C1RL: variants seen among roughly 807,000 people sequenced by gnomAD.
C1RL encodes the protein complement C1r subcomponent-like protein.
Under a neutral mutation model 27.9 loss-of-function variants are expected in C1RL, and 27 were observed. The observed-to-expected ratio is 0.97, with a 90% confidence interval of 0.71 to 1.33. C1RL has a LOEUF of 1.33. C1RL is among the 40% of genes most tolerant of loss of function. The pLI is 0.00. For synonymous variants in C1RL, 248 were observed against 252.1 expected, an observed-to-expected ratio of 0.98 and a Z score of 0.15; for missense variants, 563 against 623.9, an observed-to-expected ratio of 0.90 and a Z score of 1.04.
chr12:7,108,383 C>A lies in C1RL; in HGVS notation c.168G>T (p.Gly56=). ...QELPQQLTSP[G]YPEPYGKGQE... ...GGCCTTTGCCATACGGCTCTGGGTA[C>A]CCGGGGGATGTCAGCTGCTGGGGTA... is the stretch of plus-strand genomic sequence containing the variant. The change falls in exon 2 of 6, where the codon GGG becomes GGT. Residue 56 remains glycine (G), a synonymous_variant. Coordinates refer to ENST00000266542, the MANE Select transcript of C1RL (RefSeq NM_016546.4). 1 of 1,614,158 alleles carries A rather than the reference C, an allele frequency of 6.2e-7. No homozygotes were observed. The highest frequency in any genetic ancestry group is 8.5e-7 in the Non-Finnish European group (1 of 1,179,988).
At chr12:7,100,791 A>G (rs977450853) in intron 3 of C1RL, among the ~76,000 whole-genome samples, 10 of 152,206 alleles carry the variant, frequency 6.6e-5, no homozygotes, top group African/African-American at 2.4e-4. Flanking sequence ...TGTCTCAAAA[A>G]ACAATAAATA....
intron 2 of C1RL, chr12:7,107,943 A>G (rs1183633169): frequency 2.0e-5 from 6 of 302,064 alleles, no homozygotes; most frequent in Non-Finnish European, 3.0e-5. Context: ...TTAACAACCA[A>G]TATGTGCGTC....
intron 5 of C1RL, chr12:7,099,460 T>C (rs1938547815): frequency 1.0e-6 from 1 of 984,542 alleles, no homozygotes; most frequent in South Asian, 4.7e-5. Flanking sequence ...GTCCATCTCA[T>C]GAACGTCCTT....
chr12:7,107,866 T>C (rs747197132), intron 2 of C1RL, among the ~76,000 whole-genome samples: 54 of 152,380 alleles, frequency 3.5e-4, no homozygotes, highest in Non-Finnish European at 1.8e-4. Flanking sequence ...TAATCTTTTG[T>C]TATTATTTGT....
In C1RL at chr12:7,104,860, CTT is replaced by C. The variant is rs1938720258; in HGVS notation, c.301-2775_301-2774del. Reference sequence around the variant, plus strand: ...CAGTAATTGCTGTAGAAACTTCACTCTTGTCTATATCAATTAGCTCTATGGCC... The same window carrying C: ...CAGTAATTGCTGTAGAAACTTCACTCGTCTATATCAATTAGCTCTATGGCC... On this transcript the variant is annotated intron_variant, in intron 2 of 5. Transcript: ENST00000266542. The surrounding 1 kb of genome is among the most constrained non-coding windows in gnomAD (Gnocchi z 5.4). Among the ~76,000 whole-genome samples, 2 of 152,286 alleles carry C rather than the reference CTT, an allele frequency of 1.3e-5. No homozygotes were observed. Among genetic ancestry groups the C allele is most frequent in the South Asian group, 2.1e-4 (1 of 4,818 alleles).
Position 7,100,040 on chromosome 12 carries a change from G to C in C1RL, c.491-14C>G, listed in dbSNP as rs745904112. 1.3e-4 allele frequency: 206 copies of C among 1,602,148 alleles called. 2 individuals are homozygous for C. The South Asian group carries it at 2.2e-3, about 17-fold the overall frequency. Reference sequence around the variant, plus strand: ...TATAGTTCACAGCTATAGGAAAACAGCACCTAGCACAGACTTGCCAACTGG... The same window carrying C: ...TATAGTTCACAGCTATAGGAAAACACCACCTAGCACAGACTTGCCAACTGG... On this transcript the variant is annotated splice_polypyrimidine_tract_variant and intron_variant, in intron 3 of 5. Coordinates refer to ENST00000266542, the MANE Select transcript of C1RL (RefSeq NM_016546.4).
Position 7,094,642 on chromosome 12 carries a change from C to T in C1RL, c.*1749G>A. 1.0e-6 allele frequency: 1 copy of T among 977,220 alleles called. No homozygotes were observed. Among genetic ancestry groups the T allele is most frequent in the Non-Finnish European group, 1.2e-6 (1 of 822,496 alleles). 60.5% of individuals were successfully genotyped at this position (977,220 alleles called of 1,614,324 possible). A position where few individuals can be genotyped will look rare whatever the true frequency, so the allele number is the denominator to read the frequency against. ...AAAAATAAGCAAAATAAAATAAAAA[C>T]ATTTCATGCTCATTAAACAAATTTT... On this transcript the variant is annotated 3_prime_UTR_variant, in exon 6 of 6. Transcript: ENST00000266542.
intron 3 of C1RL, 26 bp downstream of exon 3, chr12:7,101,872 C>T: frequency 1.2e-6 from 2 of 1,610,944 alleles, no homozygotes; most frequent in Non-Finnish European, 1.7e-6. Flanking sequence ...AGGCTCCCTC[C>T]CTGCACCCCC....
chr12:7,100,729 A>T (rs182383665), intron 3 of C1RL, among the ~76,000 whole-genome samples: 55 of 152,264 alleles, frequency 3.6e-4, no homozygotes, highest in African/African-American at 1.3e-3. Flanking sequence ...AGAGGTTGCA[A>T]TGAGAAGAGA....
At chr12:7,098,092 C>T (rs1226760641) in intron 5 of C1RL, among the ~76,000 whole-genome samples, 2 of 151,332 alleles carry the variant, frequency 1.3e-5, no homozygotes, top group African/African-American at 4.9e-5. Flanking sequence ...CCGGTGAAAC[C>T]CCGTCTCTAC....
intron 2 of C1RL, among the ~76,000 whole-genome samples, chr12:7,103,225 T>C (rs1257368158): frequency 6.6e-6 from 1 of 152,266 alleles, no homozygotes; most frequent in East Asian, 1.9e-4. Flanking sequence ...TCAACTGCTC[T>C]ACTTGGTTGT....
In C1RL at chr12:7,096,366, T is replaced by G. The variant is rs759423175; in HGVS notation, c.*25A>C. On this transcript the variant is annotated 3_prime_UTR_variant, in exon 6 of 6. Coordinates refer to ENST00000266542, the MANE Select transcript of C1RL (RefSeq NM_016546.4). Reference sequence around the variant, plus strand: ...TTGCCTGGGGCCTCCACTGTGCTGGTCAGTCCCTGTTCAAGCCCCCAGGGT... The same window carrying G: ...TTGCCTGGGGCCTCCACTGTGCTGGGCAGTCCCTGTTCAAGCCCCCAGGGT... 6.8e-6 allele frequency: 9 copies of G among 1,325,110 alleles called. No individual in the cohort carries two copies. The highest frequency in any genetic ancestry group is 3.1e-5 in the African/African-American group (2 of 64,116). The allele number at this position is 1,325,110 out of a possible 1,614,324, so 82.1% of individuals were successfully genotyped here.
chr12:7,096,221 G>A lies in C1RL; in HGVS notation c.*170C>T. The A allele has an allele frequency of 7.2e-7, 1 of 1,390,838 alleles. No homozygotes were observed. The highest frequency in any genetic ancestry group is 9.3e-7 in the Non-Finnish European group (1 of 1,076,916). 86.2% of individuals were successfully genotyped at this position (1,390,838 alleles called of 1,614,324 possible). The stretch of plus-strand genomic sequence containing the variant: ...GTCTGGGATGGGGCGGGCTTGCCGG[G>A]TGGGGGTTTCTCTTGCAGTGGCTTG... On this transcript the variant is annotated 3_prime_UTR_variant, in exon 6 of 6. Transcript: ENST00000266542.
At position 7,100,096 on chromosome 12, in the gene C1RL, A is replaced by G. The variant is rs1938574632; in HGVS notation, c.491-70T>C. ...CAGGGGCTGATTCTGGCCCATGGCT[A>G]TACTTGGTTTGACTTGCACAGTGTT... On this transcript the variant is annotated intron_variant, in intron 3 of 5. Transcript: ENST00000266542. 14 of 1,483,230 alleles carry G rather than the reference A, an allele frequency of 9.4e-6. No individual in the cohort carries two copies. The South Asian group carries it at 1.7e-4, about 18-fold the overall frequency. The allele number at this position is 1,483,230 out of a possible 1,614,324, so 91.9% of individuals were successfully genotyped here. A position where few individuals can be genotyped will look rare whatever the true frequency, so the allele number is the denominator to read the frequency against.
Position 7,096,882 on chromosome 12 carries a change from G to T in C1RL, c.973C>A (p.His325Asn), listed in dbSNP as rs1938452336. 1.9e-6 allele frequency: 3 copies of T among 1,599,206 alleles called. No homozygotes were observed. Among genetic ancestry groups the T allele is most frequent in the Non-Finnish European group, 1.7e-6 (2 of 1,171,232 alleles). ...GNHPVHRVVV[H>N]PDYRQNESHN... Reference sequence around the variant, plus strand: ...GACTCATTCTGACGGTAGTCGGGGTGCACAACGACACGGTGGACAGGGTGG... The same window carrying T: ...GACTCATTCTGACGGTAGTCGGGGTTCACAACGACACGGTGGACAGGGTGG... Residue 325 changes from histidine (H) to asparagine (N), a missense_variant, in exon 6 of 6, where the codon CAC (histidine) becomes AAC (asparagine). Transcript: ENST00000266542.
intron 2 of C1RL, among the ~76,000 whole-genome samples, chr12:7,106,785 A>G (rs10842565): frequency 0.18 from 26,926 of 152,132 alleles, 2,715 homozygotes; most frequent in East Asian, 0.4. Context: ...CTCCTAGGAA[A>G]CCCAAAAGTT....
rs763753592 is a variant in C1RL at position 7,096,487 on chromosome 12, C to T, written c.1368G>A (p.Val456=). The part of the protein sequence containing the change: ...HAHHWVATGI[V]SWGIGCGEGY... ...CTTCGCCACACCCTATGCCCCAGGACACAATGCCCGTGGCCACCCAGTGAT... is the reference window on the plus strand; with the variant it reads ...CTTCGCCACACCCTATGCCCCAGGATACAATGCCCGTGGCCACCCAGTGAT... The change falls in exon 6 of 6, where the codon GTG becomes GTA. Residue 456 remains valine, a synonymous_variant. Coordinates refer to ENST00000266542, the MANE Select transcript of C1RL (RefSeq NM_016546.4). The T allele has an allele frequency of 6.2e-7, 1 of 1,614,168 alleles. No individual in the cohort carries two copies.
intron 3 of C1RL, among the ~76,000 whole-genome samples, chr12:7,101,298 T>C (rs77806512): frequency 1.1e-3 from 170 of 150,556 alleles, no homozygotes; most frequent in African/African-American, 3.5e-3. Flanking sequence ...TCTCTTCTAG[T>C]TTCTCCGTGT....
Position 7,097,161 on chromosome 12 carries a change from A to C in C1RL, c.694T>G (p.Cys232Gly). ...GCAATGGGGGTGACTGGCCGTCCGC[A>C]GACTGGGAGAGAGGCGGGGTAGGGG... is the stretch of plus-strand genomic sequence containing the variant. ...GEEVLQCMPVCGRPVTPIAQN... is the reference protein window; with the variant it reads ...GEEVLQCMPVGGRPVTPIAQN... The change falls in exon 6 of 6, where the codon TGC becomes GGC. Residue 232 changes from cysteine (C) to glycine (G), a missense_variant and splice_region_variant. By Grantham distance (159) the Cys-to-Gly change is radical (BLOSUM62 -3). Transcript: ENST00000266542. 1 of 1,598,112 alleles carries C rather than the reference A, an allele frequency of 6.3e-7. No homozygotes were observed.
Sources: gnomAD v4.1 joint callset for allele counts (sites outside exome capture counted in the v4.1 genomes callset) on GRCh38, gnomAD v4.1.1 for gene constraint, Gnocchi (gnomAD v3.1) non-coding constraint, MANE v1.5 for transcripts, NCBI Gene and HGNC (gene_info 2026-07-23, HGNC 2026-07-21) for gene names.